Variants in MYO3A observed in about 807,000 individuals in gnomAD.
MYO3A encodes the protein myosin IIIA.
A neutral mutation model predicts 192.7 loss-of-function variants in MYO3A; 180 were observed. The observed-to-expected ratio is 0.93, with a 90% CI of 0.83 to 1.06. The LOEUF is 1.06. MYO3A is among the 50% of genes least tolerant of loss of function. MYO3A has a pLI of 0.00. For missense variants in MYO3A, 1,896 were observed against 1,905.0 expected (o/e 1.00, Z 0.09); for synonymous variants, 628 against 645.3 (o/e 0.97, Z 0.41).
intron 2 of MYO3A, among the ~76,000 whole-genome samples, chr10:25,942,120 G>A (rs2130827567): frequency 6.6e-6 from 1 of 151,420 alleles, no homozygotes; most frequent in East Asian, 1.9e-4. Flanking sequence ...CTCTGCCTCA[G>A]CCTCCCAAGT....
chr10:26,122,417 C>T (rs1838927443), intron 18 of MYO3A, among the ~76,000 whole-genome samples: 1 of 152,184 alleles, frequency 6.6e-6, no homozygotes, highest in Non-Finnish European at 1.5e-5. Context: ...CAAACCAAGG[C>T]TGCATTTCCA....
chr10:26,166,274 A>G, intron 27 of MYO3A, 96 bp downstream of exon 27: 13 of 1,081,196 alleles, frequency 1.2e-5, no homozygotes, highest in Admixed American at 1.8e-5. Context: ...TGGTTTTTTT[A>G]TGTTATAGAA....
At chr10:26,069,924 T>A (rs1013286509) in intron 12 of MYO3A, among the ~76,000 whole-genome samples, 187 bp from the exon 13 acceptor site, 2 of 152,074 alleles carry the variant, frequency 1.3e-5, no homozygotes, top group Admixed American at 1.3e-4. Flanking sequence ...CAGGCTCTTA[T>A]TTTACATAGT....
intron 4 of MYO3A, among the ~76,000 whole-genome samples, chr10:25,973,318 T>C (rs1838772573): frequency 6.6e-6 from 1 of 152,190 alleles, no homozygotes; most frequent in Non-Finnish European, 1.5e-5. Flanking sequence ...TTGTGATTTT[T>C]GCACATTGAT....
chr10:26,146,636 G>A (rs1840480410), intron 22 of MYO3A, among the ~76,000 whole-genome samples: 1 of 152,136 alleles, frequency 6.6e-6, no homozygotes, highest in Non-Finnish European at 1.5e-5. Flanking sequence ...TATTGGTGTA[G>A]GGTCTTACTC....
intron 10 of MYO3A, among the ~76,000 whole-genome samples, chr10:26,045,039 C>A (rs745981098): frequency 1.3e-5 from 2 of 152,170 alleles, no homozygotes; most frequent in Non-Finnish European, 2.9e-5. Flanking sequence ...CAAATGGAGA[C>A]ACTGCTTCTC....
intron 4 of MYO3A, among the ~76,000 whole-genome samples, chr10:25,995,927 C>T (rs1840404472): frequency 6.6e-6 from 1 of 152,222 alleles, no homozygotes; most frequent in Non-Finnish European, 1.5e-5. Flanking sequence ...GGGAGTGCCT[C>T]CCAGAAAGGC....
chr10:25,939,517 C>T (rs544790767), intron 2 of MYO3A, among the ~76,000 whole-genome samples: 1 of 151,962 alleles, frequency 6.6e-6, no homozygotes, highest in South Asian at 2.1e-4. Flanking sequence ...CATTATTATT[C>T]AGTTCTAAGT....
intron 32 of MYO3A, among the ~76,000 whole-genome samples, chr10:26,200,266 T>C (rs1025923739): frequency 3.3e-5 from 5 of 152,176 alleles, no homozygotes; most frequent in African/African-American, 1.2e-4. Flanking sequence ...TGATAAATCC[T>C]GAAAAAAACG....
At chr10:26,208,530 A>G (rs1844078782) in intron 34 of MYO3A, among the ~76,000 whole-genome samples, 1 of 152,212 alleles carries the variant, frequency 6.6e-6, no homozygotes, top group Non-Finnish European at 1.5e-5. Context: ...TGTCCTTAGA[A>G]TTAGAAATAA....
At chr10:26,057,297 C>T (rs765377496) in intron 10 of MYO3A, among the ~76,000 whole-genome samples, 8 of 151,934 alleles carry the variant, frequency 5.3e-5, no homozygotes, top group African/African-American at 9.7e-5. Flanking sequence ...AATATGGACC[C>T]GGTGGAAAGG....
intron 4 of MYO3A, among the ~76,000 whole-genome samples, chr10:25,974,817 CAT>C (rs1343203376): frequency 6.6e-6 from 1 of 152,190 alleles, no homozygotes; most frequent in East Asian, 1.9e-4. Context: ...ATCACACCAC[CAT>C]TCTGGAAACA....
intron 6 of MYO3A, among the ~76,000 whole-genome samples, chr10:26,006,609 G>A (rs544742159): frequency 7.2e-5 from 11 of 152,228 alleles, no homozygotes; most frequent in South Asian, 4.2e-4. Context: ...ACACCTCTAC[G>A]CAAATAAACT....
In MYO3A at chr10:25,993,302, T is replaced by C. The variant is rs1365336872; in HGVS notation, c.304-3188T>C. The stretch of plus-strand genomic sequence containing the variant: ...ATTTTCTAATTTATTTGCGTAGAGG[T>C]GTTTATAGTATTCTCTGATGGTAGT... On this transcript the variant is annotated intron_variant, in intron 4 of 34. Transcript: ENST00000642920. Among the ~76,000 whole-genome samples the C allele has an allele frequency of 7.9e-5, 12 of 152,294 alleles. 1 individual carries two copies. In the East Asian group the frequency reaches 1.9e-3, roughly 25 times the overall value.
intron 25 of MYO3A, among the ~76,000 whole-genome samples, chr10:26,156,301 G>A (rs1841105145): frequency 6.6e-6 from 1 of 152,132 alleles, no homozygotes; most frequent in Non-Finnish European, 1.5e-5. Context: ...TATGACTGTA[G>A]GCTCTTACAT....
intron 10 of MYO3A, among the ~76,000 whole-genome samples, chr10:26,041,085 T>C (rs117025258): frequency 6.6e-6 from 1 of 152,224 alleles, no homozygotes; most frequent in East Asian, 1.9e-4. Context: ...GTCAGGTGCA[T>C]ATATATTTAC....
intron 9 of MYO3A, among the ~76,000 whole-genome samples, chr10:26,024,861 G>A (rs899836698): frequency 8.5e-5 from 13 of 152,090 alleles, no homozygotes; most frequent in African/African-American, 3.1e-4. Context: ...GATTTGGTTT[G>A]TCTTCCTCTA....
At chr10:26,008,717 G>C (rs555395955) in intron 6 of MYO3A, among the ~76,000 whole-genome samples, 4 of 147,100 alleles carry the variant, frequency 2.7e-5, no homozygotes, top group African/African-American at 1.0e-4. Context: ...TTGTTAAAAA[G>C]TCAGGAAACA....
chr10:25,990,027 T>A (rs1332241523), intron 4 of MYO3A, among the ~76,000 whole-genome samples: 1 of 152,192 alleles, frequency 6.6e-6, no homozygotes, highest in Non-Finnish European at 1.5e-5. Flanking sequence ...CCAGTTATCT[T>A]CCATTTTTAA....
Sources: gnomAD v4.1 joint callset for allele counts (sites outside exome capture counted in the v4.1 genomes callset) on GRCh38, gnomAD v4.1.1 for gene constraint, MANE v1.5 for transcripts, NCBI Gene and HGNC (gene_info 2026-07-23, HGNC 2026-07-21) for gene names.